RTL4: variants seen among roughly 807,000 people sequenced by gnomAD.
RTL4 encodes the protein retrotransposon Gag-like protein 4.
RTL4 carries 4 observed loss-of-function variants against 5.3 expected under a neutral mutation model. The ratio of observed to expected loss-of-function variants is 0.75; its 90% CI spans 0.37 to 1.72. RTL4 has a LOEUF of 1.72. Ranked by LOEUF, RTL4 falls within the 40% of genes most tolerant of loss-of-function variation. The probability of loss-of-function intolerance (pLI) is 0.04; values close to 1 mark genes in which losing one functional copy is unlikely to be tolerated. For synonymous variants in RTL4, 98 were observed against 87.3 expected (o/e 1.12, Z -0.68); for missense variants, 260 against 227.1 (o/e 1.14, Z -0.93).
the RTL4 span, among the ~76,000 whole-genome samples, chrX:112,153,402 A>G: frequency 2.7e-5 from 3 of 112,371 alleles, no homozygotes; most frequent in Middle Eastern, 4.2e-3. Flanking sequence ...TGATCAATTA[A>G]GAAATATTCC....
At chrX:112,217,190 A>G in the RTL4 span, among the ~76,000 whole-genome samples, 2 of 111,716 alleles carry the variant, frequency 1.8e-5, no homozygotes, top group Admixed American at 9.5e-5. Flanking sequence ...CAAGAGGGAC[A>G]GAGCCTTCTT....
At chrX:112,129,034 A>G in the RTL4 span, among the ~76,000 whole-genome samples, 5 of 111,846 alleles carry the variant, frequency 4.5e-5, no homozygotes, top group Admixed American at 1.9e-4. Context: ...AAAGAATTGA[A>G]TAGACGTTTA....
chrX:112,329,024 T>A, the RTL4 span, among the ~76,000 whole-genome samples: 1 of 110,710 alleles, frequency 9.0e-6, no homozygotes, highest in East Asian at 2.8e-4. Context: ...TAGAGGAAAA[T>A]TTATAGCACT....
the RTL4 span, among the ~76,000 whole-genome samples, chrX:112,236,444 TATATATAGATATAG>T: frequency 1.3e-5 from 1 of 78,452 alleles, no homozygotes; most frequent in Non-Finnish European, 2.3e-5. Context: ...GATCTATATC[TATATATAGATATAG>T]ATCTATATCT....
chrX:112,304,820 C>T, the RTL4 span, among the ~76,000 whole-genome samples: 1 of 109,064 alleles, frequency 9.2e-6, no homozygotes, highest in African/African-American at 3.3e-5. Flanking sequence ...CCTCCTGCCC[C>T]CTTTCCTCAT....
At chrX:112,326,685 G>A in the RTL4 span, among the ~76,000 whole-genome samples, 1 of 112,039 alleles carries the variant, frequency 8.9e-6, no homozygotes, top group African/African-American at 3.2e-5. Flanking sequence ...GCCTCTGTAG[G>A]CTCCACCTCT....
At chrX:112,288,655 T>C in the RTL4 span, among the ~76,000 whole-genome samples, 1 of 112,183 alleles carries the variant, frequency 8.9e-6, no homozygotes, top group Admixed American at 9.5e-5. Flanking sequence ...AGAAGTTTAT[T>C]TCTCCTCATA....
At chrX:112,181,047 G>A in the RTL4 span, among the ~76,000 whole-genome samples, 5,523 of 111,387 alleles carry the variant, frequency 0.05, 361 homozygotes, top group African/African-American at 0.17. Flanking sequence ...AAGCAGGGTG[G>A]GGCGTTGCCT....
At chrX:112,302,853 T>C in the RTL4 span, among the ~76,000 whole-genome samples, 1 of 112,669 alleles carries the variant, frequency 8.9e-6, no homozygotes, top group African/African-American at 3.2e-5. Context: ...ACTGTCACTA[T>C]CTAGACGTTC....
chrX:112,321,977 T>A, the RTL4 span, among the ~76,000 whole-genome samples: 15 of 112,166 alleles, frequency 1.3e-4, no homozygotes, highest in African/African-American at 4.8e-4. Context: ...AGTGAGAAAG[T>A]GCAACATTAA....
chrX:112,310,392 A>ATG, the RTL4 span, among the ~76,000 whole-genome samples: 1 of 48,290 alleles, frequency 2.1e-5, no homozygotes, highest in East Asian at 5.7e-4. Context: ...ATATATATAT[A>ATG]TATATATATA....
chrX:112,222,792 G>A, the RTL4 span, among the ~76,000 whole-genome samples: 9 of 112,006 alleles, frequency 8.0e-5, no homozygotes, highest in Admixed American at 1.9e-4. Flanking sequence ...AGGAAATGCC[G>A]AATGGGGCTG....
the RTL4 span, among the ~76,000 whole-genome samples, chrX:112,291,367 TACACACACACACACACACACACAC>T: frequency 2.1e-5 from 2 of 95,389 alleles, no homozygotes; most frequent in African/African-American, 7.7e-5. Flanking sequence ...TGTATGTTTG[TACACACACACACACACACACACAC>T]ACACACACAC....
At chrX:112,305,235 G>A in the RTL4 span, among the ~76,000 whole-genome samples, 3 of 107,887 alleles carry the variant, frequency 2.8e-5, no homozygotes, top group Non-Finnish European at 5.8e-5. Context: ...TCGGCTCACT[G>A]CAACCTTCGC....
chrX:112,455,914 C>A, exon 1 of RTL4: 1 of 362,288 alleles, frequency 2.8e-6, no homozygotes, highest in Non-Finnish European at 4.9e-6. Flanking sequence ...CCAAGAGCAC[C>A]AAAAACCTGC....
the RTL4 span, among the ~76,000 whole-genome samples, chrX:112,229,551 A>G: frequency 8.9e-6 from 1 of 112,323 alleles, no homozygotes; most frequent in East Asian, 2.8e-4. Context: ...AGAAAACACC[A>G]TAAGGCAGGG....
chrX:112,256,979 A>G, the RTL4 span, among the ~76,000 whole-genome samples: 1 of 111,594 alleles, frequency 9.0e-6, no homozygotes, highest in Non-Finnish European at 1.9e-5. Context: ...TTGTTATGAC[A>G]TATTTGATTT....
chrX:112,118,159 CATTT>C, the RTL4 span, among the ~76,000 whole-genome samples: 1 of 112,023 alleles, frequency 8.9e-6, no homozygotes, highest in Admixed American at 9.5e-5. Context: ...AAACAACAAA[CATTT>C]ATTACACAGC....
chrX:112,224,656 G>A, the RTL4 span, among the ~76,000 whole-genome samples: 8 of 111,500 alleles, frequency 7.2e-5, no homozygotes, highest in Non-Finnish European at 1.5e-4. Flanking sequence ...ACTCTTTAGA[G>A]AAATACTTCA....
Sources: allele counts gnomAD v4.1 joint callset (sites outside exome capture counted in the v4.1 genomes callset), GRCh38; gene constraint gnomAD v4.1.1; transcripts MANE v1.5; gene names NCBI Gene and HGNC (gene_info 2026-07-23, HGNC 2026-07-21).